Variants in PBRM1 observed in about 807,000 individuals in gnomAD.
PBRM1 encodes protein polybromo-1.
In PBRM1, 27 loss-of-function variants were observed where a neutral mutation model predicts 194.5. The ratio of observed to expected loss-of-function variants is 0.14; its 90% CI spans 0.10 to 0.19. The LOEUF (loss-of-function observed/expected upper bound fraction) is 0.19. Ranked by LOEUF, PBRM1 falls within the 10% of genes least tolerant of loss-of-function variation. The probability of loss-of-function intolerance (pLI) is 1.00; values close to 1 mark genes in which losing one functional copy is unlikely to be tolerated. For synonymous variants in PBRM1, 655 were observed against 693.2 expected (o/e 0.94, Z 0.87); for missense variants, 1,466 against 2,077.2 (o/e 0.71, Z 5.72).
intron 21 of PBRM1, 125 bp downstream of exon 23, chr3:52,578,929 T>C: frequency 1.2e-6 from 1 of 847,044 alleles, no homozygotes; most frequent in South Asian, 1.4e-5. Flanking sequence ...GGGAACATGG[T>C]GTGAGAAGAA....
chr3:52,659,952 G>A (rs2096684309), intron 4 of PBRM1, among the ~76,000 whole-genome samples: 1 of 152,180 alleles, frequency 6.6e-6, no homozygotes, highest in African/African-American at 2.4e-5. Context: ...ATTAGCTGGT[G>A]TGGTGACAGG....
chr3:52,614,390 A>C (rs1459636920), intron 15 of PBRM1, among the ~76,000 whole-genome samples: 16 of 150,516 alleles, frequency 1.1e-4, no homozygotes, highest in African/African-American at 3.9e-4. Context: ...AAAAAAAAAA[A>C]AAAAAAAAGC....
chr3:52,611,706 A>G (rs1245207292), intron 15 of PBRM1, among the ~76,000 whole-genome samples: 1 of 151,888 alleles, frequency 6.6e-6, no homozygotes, highest in Admixed American at 6.6e-5. Flanking sequence ...CCGAGAGGCT[A>G]AAGTGGAAGG....
chr3:52,574,997 G>A (rs1443492151), intron 22 of PBRM1, among the ~76,000 whole-genome samples: 1 of 151,954 alleles, frequency 6.6e-6, no homozygotes, highest in African/African-American at 2.4e-5. Context: ...ACCTCCCTGG[G>A]CTCAAGTGAT....
chr3:52,650,572 A>T (rs893017360), intron 6 of PBRM1, among the ~76,000 whole-genome samples: 2 of 152,094 alleles, frequency 1.3e-5, no homozygotes, highest in African/African-American at 4.8e-5. Flanking sequence ...ACTATGTAAC[A>T]CACTGTTTTC....
chr3:52,589,834 T>C (rs1449281544), intron 17 of PBRM1, among the ~76,000 whole-genome samples: 1 of 152,126 alleles, frequency 6.6e-6, no homozygotes, highest in Non-Finnish European at 1.5e-5. Flanking sequence ...TTTTTATTTA[T>C]TTATTTTTTT....
chr3:52,645,586 T>C (rs1430989269), intron 7 of PBRM1, among the ~76,000 whole-genome samples: 1 of 152,122 alleles, frequency 6.6e-6, no homozygotes, highest in Non-Finnish European at 1.5e-5. Context: ...CTTCTTGAAT[T>C]GCCAGCATCA....
intron 14 of PBRM1, 119 bp downstream of exon 16, chr3:52,617,143 A>C: frequency 2.8e-6 from 2 of 707,888 alleles, no homozygotes; most frequent in Non-Finnish European, 2.2e-6. Flanking sequence ...CAATTAACCT[A>C]GTCACCAAAA....
exon 12 of PBRM1, chr3:52,628,945 C>G (rs2153596006): frequency 6.2e-7 from 1 of 1,613,420 alleles, no homozygotes; most frequent in South Asian, 1.1e-5. Flanking sequence ...CTGAATTGGG[C>G]ACATTATAGC....
chr3:52,661,723 A>C (rs1234870774), intron 4 of PBRM1, among the ~76,000 whole-genome samples: 2 of 152,254 alleles, frequency 1.3e-5, no homozygotes, highest in Non-Finnish European at 2.9e-5. Flanking sequence ...CACACCTGGG[A>C]GGTTCTAGGA....
chr3:52,602,031 C>A (rs1368563193), intron 17 of PBRM1, among the ~76,000 whole-genome samples: 1 of 152,166 alleles, frequency 6.6e-6, no homozygotes, highest in South Asian at 2.1e-4. Flanking sequence ...GTCAATTGGG[C>A]TGGACAATCC....
At chr3:52,564,341 T>A (rs561754073) in intron 22 of PBRM1, 108 bp from the exon 25 acceptor site, 329 of 829,606 alleles carry the variant, frequency 4.0e-4, no homozygotes, top group Admixed American at 8.7e-4. Context: ...TAATTAACAA[T>A]TTTAAAGATA....
intron 11 of PBRM1, among the ~76,000 whole-genome samples, chr3:52,632,795 G>C (rs2095664103): frequency 6.6e-6 from 1 of 151,126 alleles, no homozygotes; most frequent in Non-Finnish European, 1.5e-5. Flanking sequence ...CCCGGTTCAA[G>C]CAATTCTCCT....
chr3:52,577,185 C>T (rs1274504033), intron 21 of PBRM1, among the ~76,000 whole-genome samples: 1 of 152,178 alleles, frequency 6.6e-6, no homozygotes, highest in Non-Finnish European at 1.5e-5. Context: ...AATCCCAGCA[C>T]TTTGGGAGGC....
chr3:52,551,436 T>C (rs1480955474), intron 27 of PBRM1, among the ~76,000 whole-genome samples: 1 of 152,218 alleles, frequency 6.6e-6, no homozygotes, highest in Non-Finnish European at 1.5e-5. Flanking sequence ...GTAACCTTGT[T>C]GCTATTGCTT....
At chr3:52,670,786 G>C (rs764650003) in intron 2 of PBRM1, among the ~76,000 whole-genome samples, 2 of 152,178 alleles carry the variant, frequency 1.3e-5, no homozygotes, top group Non-Finnish European at 1.5e-5. Context: ...GAGCCCAGGA[G>C]GTCAAGGCTG....
rs148143180 is a variant in PBRM1 at position 52,601,464 on chromosome 3, G to C, written c.2779+2057C>G. 2.2e-4 allele frequency among the ~76,000 whole-genome samples: 34 copies of C among 152,256 alleles called. 1 individual carries two copies. The East Asian group carries it at 6.4e-3, about 29-fold the overall frequency. ...TCCCTCACATACACAGTCCACAATA[G>C]GGTTCATGCTCCTATGAGAATCTAA... is the stretch of plus-strand genomic sequence containing the variant. On this transcript the variant is annotated intron_variant, in intron 17 of 29. Coordinates refer to ENST00000296302, the Ensembl canonical transcript of PBRM1.
chr3:52,623,946 TA>T (rs1163479713), intron 13 of PBRM1, among the ~76,000 whole-genome samples: 1 of 152,210 alleles, frequency 6.6e-6, no homozygotes, highest in Non-Finnish European at 1.5e-5. Context: ...ACCATTTAAT[TA>T]AGAAAACTTT....
At chr3:52,586,283 T>G in intron 20 of PBRM1, 142 bp downstream of exon 22, 1 of 702,134 alleles carries the variant, frequency 1.4e-6, no homozygotes, top group East Asian at 2.5e-5. Flanking sequence ...TAAATTTCTT[T>G]CTGTTATAGT....
Sources: gnomAD v4.1 joint callset for allele counts (sites outside exome capture counted in the v4.1 genomes callset) on GRCh38, gnomAD v4.1.1 for gene constraint, MANE v1.5 for transcripts, NCBI Gene and HGNC (gene_info 2026-07-23, HGNC 2026-07-21) for gene names.